The following SATB1 variants were observed in gnomAD, a reference collection of about 807,000 sequenced individuals.
The protein encoded by SATB1 is SATB homeobox 1.
A neutral mutation model predicts 86.9 loss-of-function variants in SATB1; 11 were observed. The observed-to-expected ratio is 0.13, with a 90% CI of 0.08 to 0.21. The LOEUF (loss-of-function observed/expected upper bound fraction) is 0.21. Ranked by LOEUF, SATB1 falls within the 10% of genes least tolerant of loss-of-function variation. The probability of loss-of-function intolerance (pLI) is 1.00; values close to 1 mark genes in which losing one functional copy is unlikely to be tolerated. For synonymous variants in SATB1, 357 were observed against 357.2 expected (o/e 1.00, Z 0.01); for missense variants, 551 against 937.6 (o/e 0.59, Z 5.39).
At chr3:18,412,405 G>A (rs1407556887) in intron 5 of SATB1, among the ~76,000 whole-genome samples, 1 of 151,958 alleles carries the variant, frequency 6.6e-6, no homozygotes, top group African/African-American at 2.4e-5. Context: ...CTCTATAAAA[G>A]GAATTTACCT....
intron 5 of SATB1, chr3:18,408,991 G>GA (rs1410626449): frequency 1.3e-5 from 2 of 151,856 alleles, no homozygotes; most frequent in Non-Finnish European, 2.9e-5. Context: ...GCAAAAAAAA[G>GA]AAAGAGGAAA....
upstream of SATB1, among the ~76,000 whole-genome samples, chr3:18,439,572 C>T (rs893352556): frequency 3.9e-5 from 6 of 152,052 alleles, no homozygotes; most frequent in African/African-American, 1.2e-4. Context: ...CATTTAGGAA[C>T]GATATATAAA....
chr3:18,416,277 G>A, intron 3 of SATB1, 144 bp from the exon 4 acceptor site: 1 of 540,468 alleles, frequency 1.9e-6, no homozygotes, highest in Non-Finnish European at 3.0e-6. Flanking sequence ...CCTCTAAAAG[G>A]CAGGTCAATG....
rs1559452916 is a variant in SATB1, at chr3:18,417,050, C to T, written c.240G>A (p.Val80=). Residue 80 remains valine (V), a synonymous_variant, in exon 3 of 11, where the codon GTG becomes GTA. Coordinates refer to ENST00000338745, the MANE Select transcript of SATB1 (RefSeq NM_002971.6). ...ATTCAATGGCGTTTTCATAATGTTC[C>T]ACCACACAGAAAACTGGCAGCATGG... is the stretch of plus-strand genomic sequence containing the variant. ...KGTMLPVFCV[V]EHYENAIEYD... The T allele has an allele frequency of 6.2e-7, 1 of 1,613,042 alleles. No individual in the cohort carries two copies.
intron 9 of SATB1, among the ~76,000 whole-genome samples, chr3:18,366,867 G>A (rs570487862): frequency 7.9e-5 from 12 of 151,976 alleles, no homozygotes; most frequent in Admixed American, 2.6e-4. Context: ...TCACTTTTCC[G>A]CCTACCCCCC....
intron 2 of SATB1, 161 bp from the exon 3 acceptor site, chr3:18,417,239 T>G (rs1698165244): frequency 3.2e-6 from 2 of 629,614 alleles, no homozygotes; most frequent in African/African-American, 3.7e-5. Flanking sequence ...TGCACACAAA[T>G]ATATACATTC....
In SATB1 at chr3:18,352,445, G is replaced by GT. The variant is rs1414786209; in HGVS notation, c.1576-251dup. 1 of 457,022 alleles carries GT rather than the reference G, an allele frequency of 2.2e-6. No individual in the cohort carries two copies. Among genetic ancestry groups the GT allele is most frequent in the Non-Finnish European group, 4.0e-6 (1 of 252,442 alleles). 28.3% of individuals were successfully genotyped at this position (457,022 alleles called of 1,614,324 possible). ...GGACATATTTTTTCAGACTCTGAGG[G>GT]TAACAGAGCATTTATCACAGATTTT... On this transcript the variant is annotated intron_variant, in intron 9 of 10. Transcript: ENST00000338745. This position sits in a 1 kb window ranked among gnomAD's most constrained non-coding sequence, Gnocchi z 4.1.
At chr3:18,419,359 G>A (rs1698275495) in intron 2 of SATB1, among the ~76,000 whole-genome samples, 1 of 152,184 alleles carries the variant, frequency 6.6e-6, no homozygotes, top group Non-Finnish European at 1.5e-5. Flanking sequence ...ACTGCTGAAT[G>A]CTAAAAATAC....
upstream of SATB1, among the ~76,000 whole-genome samples, chr3:18,440,349 T>C (rs746558639): frequency 7.2e-5 from 11 of 152,178 alleles, no homozygotes; most frequent in Non-Finnish European, 1.2e-4. Flanking sequence ...CTTTAAAGTT[T>C]TGCCATAGGG....
chr3:18,440,670 A>G (rs1699218091), upstream of SATB1, among the ~76,000 whole-genome samples: 1 of 152,208 alleles, frequency 6.6e-6, no homozygotes, highest in African/African-American at 2.4e-5. Flanking sequence ...ATGCTGAAAC[A>G]TAACTTTCAT....
In SATB1 at chr3:18,403,543, C is replaced by G. The variant is rs548696725; in HGVS notation, c.640-6253G>C. ...GGTTCTACCTGTTTATAATACATATCTGTTATGTCTGTGCTTTAAATGAAA... is the reference window on the plus strand; with the variant it reads ...GGTTCTACCTGTTTATAATACATATGTGTTATGTCTGTGCTTTAAATGAAA... On this transcript the variant is annotated intron_variant, in intron 5 of 10. Coordinates refer to ENST00000338745, the MANE Select transcript of SATB1 (RefSeq NM_002971.6). Among the ~76,000 whole-genome samples, 9 of 152,212 alleles carry G rather than the reference C, an allele frequency of 5.9e-5. No individual in the cohort carries two copies. In the South Asian group the frequency reaches 1.9e-3, roughly 32 times the overall value.
intron 9 of SATB1, among the ~76,000 whole-genome samples, chr3:18,372,202 G>T (rs1254586600): frequency 6.6e-6 from 1 of 152,138 alleles, no homozygotes; most frequent in Non-Finnish European, 1.5e-5. Flanking sequence ...GAACTTCTTT[G>T]TGTTTCCTTA....
Position 18,362,872 on chromosome 3 carries a change from A to ACAAAC in SATB1, c.1576-10678_1576-10677insGTTTG, listed in dbSNP as rs1348612804. 6.1e-5 allele frequency among the ~76,000 whole-genome samples: 9 copies of ACAAAC among 147,284 alleles called. 1 individual carries two copies. Among genetic ancestry groups the ACAAAC allele is most frequent in the African/African-American group, 1.7e-4 (7 of 40,498 alleles). ...TATATGCCATGTGCAAAAAAAAAAA[A>ACAAAC]AAAAAAAAACCAAAACCCCAAATAA... On this transcript the variant is annotated intron_variant, in intron 9 of 10. Transcript: ENST00000338745.
intron 10 of SATB1, chr3:18,351,574 T>C (rs747556495): frequency 6.7e-6 from 4 of 595,360 alleles, no homozygotes; most frequent in Non-Finnish European, 1.2e-5. Flanking sequence ...ATGTATAAAA[T>C]TGTGATTCTA....
intron 5 of SATB1, among the ~76,000 whole-genome samples, chr3:18,407,340 C>G (rs1158990372): frequency 3.3e-5 from 5 of 151,940 alleles, no homozygotes. Flanking sequence ...ATAATATAGT[C>G]TTTTAATTTT....
intron 1 of SATB1, among the ~76,000 whole-genome samples, chr3:18,422,165 C>G (rs1016036243): frequency 3.3e-5 from 5 of 152,078 alleles, no homozygotes; most frequent in Admixed American, 1.3e-4. Context: ...TTAGGAAAAC[C>G]AGAGAGAATA....
chr3:18,442,965 T>C (rs1699278710), upstream of SATB1, among the ~76,000 whole-genome samples: 1 of 152,214 alleles, frequency 6.6e-6, no homozygotes, highest in Admixed American at 6.5e-5. Flanking sequence ...ATAGCAGTAG[T>C]ACCATACAGG....
At chr3:18,372,328 A>G (rs1254743230) in intron 9 of SATB1, among the ~76,000 whole-genome samples, 1 of 152,226 alleles carries the variant, frequency 6.6e-6, no homozygotes, top group Non-Finnish European at 1.5e-5. Context: ...TTAATGAGTT[A>G]TGTCTATATT....
chr3:18,352,029 G>A lies in SATB1; in HGVS notation c.1742C>T (p.Pro581Leu), dbSNP rs879079805. The A allele has an allele frequency of 1.9e-6, 3 of 1,614,172 alleles. No individual in the cohort carries two copies. The highest frequency in any genetic ancestry group is 1.3e-5 in the African/African-American group (1 of 75,030). ...TGCTGGAACATGGATAATGTGGGGC[G>A]GCCTGTCGCCATGGTGATGCACCGC... Reference protein sequence around the residue: ...SNAVHHHGDRPPHIIHVPAEQ... With the variant: ...SNAVHHHGDRLPHIIHVPAEQ... Residue 581 changes from proline (P) to leucine (L), a missense_variant, in exon 10 of 11, where the codon CCG becomes CTG. Physicochemically the swap from Pro to Leu is moderately conservative, Grantham distance 98. Transcript: ENST00000338745. The surrounding 1 kb of genome is among the most constrained non-coding windows in gnomAD (Gnocchi z 4.1).
Sources: gnomAD v4.1 joint callset for allele counts (sites outside exome capture counted in the v4.1 genomes callset) on GRCh38, gnomAD v4.1.1 for gene constraint, Gnocchi (gnomAD v3.1) non-coding constraint, MANE v1.5 for transcripts, NCBI Gene and HGNC (gene_info 2026-07-23, HGNC 2026-07-21) for gene names.